Variants in CHRNB2 observed in about 807,000 individuals in gnomAD.
The protein encoded by CHRNB2 is neuronal acetylcholine receptor subunit beta-2.
Under a neutral mutation model 42.7 loss-of-function variants are expected in CHRNB2, and 33 were observed. The ratio of observed to expected loss-of-function variants is 0.77; its 90% CI spans 0.59 to 1.03. The LOEUF (loss-of-function observed/expected upper bound fraction) is 1.03. Ranked by LOEUF, CHRNB2 falls within the 50% of genes least tolerant of loss-of-function variation. The probability of loss-of-function intolerance (pLI) is 0.00; values close to 1 mark genes in which losing one functional copy is unlikely to be tolerated. For missense variants in CHRNB2, 603 were observed against 700.9 expected (o/e 0.86, Z 1.58); for synonymous variants, 325 against 292.9 (o/e 1.11, Z -1.12).
Position 154,578,081 on chromosome 1 carries a change from T to C in CHRNB2, c.*2149T>C, listed in dbSNP as rs1421096635. The C allele has an allele frequency of 6.6e-6, 1 of 152,236 alleles. No individual in the cohort carries two copies. Among genetic ancestry groups the C allele is most frequent in the Non-Finnish European group, 1.5e-5 (1 of 68,076 alleles). 9.4% of individuals were successfully genotyped at this position (152,236 alleles called of 1,614,324 possible). ...GAAACTTTCCCTCTTCTAGAGCGGA[T>C]TGGGAGTTGCCTGTATTATGCCTGA... On this transcript the variant is annotated 3_prime_UTR_variant, in exon 6 of 6. Coordinates refer to ENST00000368476, the MANE Select transcript of CHRNB2 (RefSeq NM_000748.3).
chr1:154,576,186 G>A lies in CHRNB2; in HGVS notation c.*254G>A. 1 of 545,724 alleles carries A rather than the reference G, an allele frequency of 1.8e-6. No homozygotes were observed. The highest frequency in any genetic ancestry group is 2.0e-5 in the South Asian group (1 of 51,070). 33.8% of individuals were successfully genotyped at this position (545,724 alleles called of 1,614,324 possible). The stretch of plus-strand genomic sequence containing the variant: ...CAGCCCAGGCAATAGTGTTGAGGAG[G>A]GGAGCAAGGCTGCTAAGTGGAAGAC... On this transcript the variant is annotated 3_prime_UTR_variant, in exon 6 of 6. Transcript: ENST00000368476.
rs1233101483 is a variant in CHRNB2, at chr1:154,571,737, T to A, written c.914T>A (p.Met305Lys). 1.2e-6 allele frequency: 2 copies of A among 1,614,228 alleles called. No homozygotes were observed. The highest frequency in any genetic ancestry group is 4.5e-5 in the East Asian group (2 of 44,886). The change falls in exon 5 of 6, where the codon ATG becomes AAG. Residue 305 changes from methionine to lysine, a missense_variant. Met to Lys is a moderately conservative substitution (Grantham distance 95). Transcript: ENST00000368476. This position sits in a 1 kb window ranked among gnomAD's most constrained non-coding sequence, Gnocchi z 6.8. ...PLVGKYLMFT[M>K]VLVTFSIVTS... ...GTCGGCAAGTACCTCATGTTCACCA[T>A]GGTGCTTGTCACCTTCTCCATCGTC...
At chr1:154,568,250 G>C in intron 1 of CHRNB2, 142 bp downstream of exon 1, 1 of 1,033,980 alleles carries the variant, frequency 9.7e-7, no homozygotes, top group Non-Finnish European at 1.4e-6. Context: ...GAGGTTAGGG[G>C]AGAGCCCCCC....
Position 154,567,991 on chromosome 1 carries a change from C to A in CHRNB2, c.-54C>A. 1 of 1,476,944 alleles carries A rather than the reference C, an allele frequency of 6.8e-7. No homozygotes were observed. Among genetic ancestry groups the A allele is most frequent in the Non-Finnish European group, 8.9e-7 (1 of 1,117,864 alleles). The allele number at this position is 1,476,944 out of a possible 1,614,324, so 91.5% of individuals were successfully genotyped here. ...GACAGCGCCCCACCCGCGGCCCTCCCCCCGGCGGCGCGCTCCAGCCGGTGT... is the reference window on the plus strand; with the variant it reads ...GACAGCGCCCCACCCGCGGCCCTCCACCCGGCGGCGCGCTCCAGCCGGTGT... On this transcript the variant is annotated 5_prime_UTR_variant, in exon 1 of 6. Coordinates refer to ENST00000368476, the MANE Select transcript of CHRNB2 (RefSeq NM_000748.3).
In CHRNB2 at chr1:154,576,995, G is replaced by A. The variant is rs139826441; in HGVS notation, c.*1063G>A. 0.011 allele frequency: 1,714 copies of A among 152,308 alleles called. 14 individuals are homozygous for A. The highest frequency in any genetic ancestry group is 0.017 in the Middle Eastern group (5 of 298). 9.4% of individuals were successfully genotyped at this position (152,308 alleles called of 1,614,324 possible). On this transcript the variant is annotated 3_prime_UTR_variant, in exon 6 of 6. Transcript: ENST00000368476. ...AGCTTTAAGCCAACCCAGCCTCTTT[G>A]TCCACAGCAGAGCTGAGGTGAACAG...
Position 154,576,049 on chromosome 1 carries a change from C to A in CHRNB2, c.*117C>A. On this transcript the variant is annotated 3_prime_UTR_variant, in exon 6 of 6. Transcript: ENST00000368476. ...AGGGGCGCTGCCCCCACAGATCCAT[C>A]CTTTTGCTTCATCTGGAGTCCCTCC... The A allele has an allele frequency of 2.2e-6, 3 of 1,339,382 alleles. No individual in the cohort carries two copies. Among genetic ancestry groups the A allele is most frequent in the Non-Finnish European group, 3.2e-6 (3 of 944,478 alleles). The allele number at this position is 1,339,382 out of a possible 1,614,324, so 83.0% of individuals were successfully genotyped here. A position where few individuals can be genotyped will look rare whatever the true frequency, so the allele number is the denominator to read the frequency against.
rs1696294531 is a variant in CHRNB2 at position 154,577,072 on chromosome 1, A to G, written c.*1140A>G. On this transcript the variant is annotated 3_prime_UTR_variant, in exon 6 of 6. Transcript: ENST00000368476. ...TCCAGTCTGTTCTGCTCATGGCTCC[A>G]TCCTTCTGGCTGTCACTCTTCCTCT... is the stretch of plus-strand genomic sequence containing the variant. 6.6e-6 allele frequency: 1 copy of G among 152,334 alleles called. No individual in the cohort carries two copies. Among genetic ancestry groups the G allele is most frequent in the African/African-American group, 2.4e-5 (1 of 41,456 alleles). The allele number at this position is 152,334 out of a possible 1,614,324, so 9.4% of individuals were successfully genotyped here.
At chr1:154,573,699 G>T (rs928473398) in intron 5 of CHRNB2, among the ~76,000 whole-genome samples, 2 of 152,052 alleles carry the variant, frequency 1.3e-5, no homozygotes, top group Admixed American at 6.5e-5. Context: ...TCTCCCTCAC[G>T]GCTCATGCCT....
At position 154,567,831 on chromosome 1, in the gene CHRNB2, A is replaced by G. The variant is rs12062049; in HGVS notation, c.-214A>G. On this transcript the variant is annotated 5_prime_UTR_variant, in exon 1 of 6. Transcript: ENST00000368476. ...TATTCCCTGGAAGAGCAGCCGGAAA[A>G]GCCTCCGCCTGCTCATACCAGGATA... 18,407 of 449,844 alleles carry G rather than the reference A, an allele frequency of 0.041. 3,159 individuals carry two copies. The highest frequency in any genetic ancestry group is 0.35 in the African/African-American group (16,934 of 48,190). The allele number at this position is 449,844 out of a possible 1,614,324, so 27.9% of individuals were successfully genotyped here. A position where few individuals can be genotyped will look rare whatever the true frequency, so the allele number is the denominator to read the frequency against.
rs200302540 is a variant in CHRNB2 at position 154,574,141 on chromosome 1, T to TA, written c.1339-1612dup. Among the ~76,000 whole-genome samples the TA allele has an allele frequency of 3.3e-3, 498 of 151,702 alleles. 1 individual carries two copies. Among genetic ancestry groups the TA allele is most frequent in the African/African-American group, 1.0e-2 (413 of 41,370 alleles). On this transcript the variant is annotated intron_variant, in intron 5 of 5. Transcript: ENST00000368476. The stretch of plus-strand genomic sequence containing the variant: ...CTCTGCCTGGGATGCCCTTTTTCTT[T>TA]AAAAAAAAATCATTACAATTATTAA...
Position 154,575,746 on chromosome 1 carries a change from C to T in CHRNB2, c.1339-16C>T, listed in dbSNP as rs117167810. 6.6e-5 allele frequency: 106 copies of T among 1,614,038 alleles called. 1 individual carries two copies. The East Asian group carries it at 1.8e-3, about 27-fold the overall frequency. On this transcript the variant is annotated splice_polypyrimidine_tract_variant and intron_variant, in intron 5 of 5. Coordinates refer to ENST00000368476, the MANE Select transcript of CHRNB2 (RefSeq NM_000748.3). Reference sequence around the variant, plus strand: ...TGCATCATGTGACCTGGGCCTCCTCCGTCTCCTCCATCCAGGTGAGTGAGG... The same window carrying T: ...TGCATCATGTGACCTGGGCCTCCTCTGTCTCCTCCATCCAGGTGAGTGAGG...
Position 154,575,904 on chromosome 1 carries a change from C to T in CHRNB2, c.1481C>T (p.Ser494Leu), listed in dbSNP as rs1571026602. The change falls in exon 6 of 6, where the codon TCA becomes TTA. Residue 494 changes from serine (S) to leucine (L), a missense_variant. Physicochemically the swap from Ser to Leu is moderately radical, Grantham distance 145. Coordinates refer to ENST00000368476, the MANE Select transcript of CHRNB2 (RefSeq NM_000748.3). ...QNYTTTTFLH[S>L]DHSAPSSK ...TACACCACCACCACCTTCCTCCACT[C>T]AGACCACTCAGCCCCCAGCTCCAAG... 2 of 1,614,218 alleles carry T rather than the reference C, an allele frequency of 1.2e-6. No individual in the cohort carries two copies. The highest frequency in any genetic ancestry group is 1.7e-6 in the Non-Finnish European group (2 of 1,180,048).
rs1696137378 is a variant in CHRNB2 at position 154,570,256 on chromosome 1, A to G, written c.256-2A>G. 6.2e-7 allele frequency: 1 copy of G among 1,602,666 alleles called. No homozygotes were observed. Among genetic ancestry groups the G allele is most frequent in the Non-Finnish European group, 8.5e-7 (1 of 1,171,584 alleles). ...GTACTGCCTCCCTCTCTCATTTCCC[A>G]GGAGTGGGAAGATTATCGCCTCACC... On this transcript the variant is annotated splice_acceptor_variant, in intron 3 of 5. Transcript: ENST00000368476. LOFTEE classifies it high-confidence loss of function.
Position 154,571,400 on chromosome 1 carries a change from A to G in CHRNB2, c.577A>G (p.Ser193Gly). The change falls in exon 5 of 6, where the codon AGC becomes GGC. Residue 193 changes from serine to glycine, a missense_variant. Physicochemically the swap from Ser to Gly is moderately conservative, Grantham distance 56. Transcript: ENST00000368476. The surrounding 1 kb of genome is among the most constrained non-coding windows in gnomAD (Gnocchi z 6.8). ...CTTGGTGCTGAAGAGTGAGGTGGCC[A>G]GCCTGGACGACTTCACACCTAGTGG... ...IDLVLKSEVA[S>G]LDDFTPSGEW... The G allele has an allele frequency of 6.2e-7, 1 of 1,614,226 alleles. No homozygotes were observed. The highest frequency in any genetic ancestry group is 8.5e-7 in the Non-Finnish European group (1 of 1,180,040).
At chr1:154,570,110 A>G (rs1696134590) in intron 3 of CHRNB2, 148 bp from the exon 4 acceptor site, 1 of 717,462 alleles carries the variant, frequency 1.4e-6, no homozygotes, top group South Asian at 1.6e-5. Context: ...CACATGAGCC[A>G]TACCTGATGG....
chr1:154,570,699 T>C (rs745815760), intron 4 of CHRNB2, among the ~76,000 whole-genome samples: 6 of 152,052 alleles, frequency 3.9e-5, no homozygotes, highest in Non-Finnish European at 8.8e-5. Context: ...TCAAAGAACT[T>C]TAAGGTCCCA....
chr1:154,575,008 T>C (rs889123106), intron 5 of CHRNB2, among the ~76,000 whole-genome samples: 6 of 152,206 alleles, frequency 3.9e-5, no homozygotes, highest in African/African-American at 1.4e-4. Context: ...GACAGCATTA[T>C]CTTTTTGACC....
In CHRNB2 at chr1:154,571,373, G is replaced by A. The variant is rs1472137370; in HGVS notation, c.550G>A (p.Asp184Asn). The change falls in exon 5 of 6, where the codon GAC becomes AAC. Residue 184 changes from aspartate (D) to asparagine (N), a missense_variant. This residue lies in a region of CHRNB2 where 333 missense variants were observed against 452.6 expected (regional missense o/e 0.74). Transcript: ENST00000368476. This position sits in a 1 kb window ranked among gnomAD's most constrained non-coding sequence, Gnocchi z 6.8. ...RSWTYDRTEI[D>N]LVLKSEVASL... ...GTGGACCTACGACCGCACAGAGATC[G>A]ACTTGGTGCTGAAGAGTGAGGTGGC... The A allele has an allele frequency of 1.2e-6, 2 of 1,614,076 alleles. No individual in the cohort carries two copies. Among genetic ancestry groups the A allele is most frequent in the Non-Finnish European group, 1.7e-6 (2 of 1,180,038 alleles).
Position 154,576,387 on chromosome 1 carries a change from AAG to A in CHRNB2, c.*462_*463del, listed in dbSNP as rs1314615944. 1.4e-5 allele frequency: 4 copies of A among 285,848 alleles called. No homozygotes were observed. Among genetic ancestry groups the A allele is most frequent in the Middle Eastern group, 1.2e-3 (1 of 808 alleles). The allele number at this position is 285,848 out of a possible 1,614,324, so 17.7% of individuals were successfully genotyped here. ...ACAATGGTAGCTCTGAAGGGAGGGG[AAG>A]AGAGAGGCCTGGGTGTGACCTGACA... is the stretch of plus-strand genomic sequence containing the variant. On this transcript the variant is annotated 3_prime_UTR_variant, in exon 6 of 6. Coordinates refer to ENST00000368476, the MANE Select transcript of CHRNB2 (RefSeq NM_000748.3).
Sources: gnomAD v4.1 joint callset for allele counts (sites outside exome capture counted in the v4.1 genomes callset) on GRCh38, gnomAD v4.1.1 for gene constraint, gnomAD v4.1.1 regional missense constraint, Gnocchi (gnomAD v3.1) non-coding constraint, MANE v1.5 for transcripts, NCBI Gene and HGNC (gene_info 2026-07-23, HGNC 2026-07-21) for gene names.